Variants in BTBD9 observed in about 807,000 individuals in gnomAD.
BTBD9 encodes BTB domain containing 9.
In BTBD9, 49 loss-of-function variants were observed where a neutral mutation model predicts 64.3. The ratio of observed to expected loss-of-function variants is 0.76; its 90% CI spans 0.61 to 0.97. The LOEUF (loss-of-function observed/expected upper bound fraction) is 0.97. BTBD9 is among the 50% of genes least tolerant of loss of function. The probability of loss-of-function intolerance (pLI) is 0.00; values close to 1 mark genes in which losing one functional copy is unlikely to be tolerated. For missense variants in BTBD9, 598 were observed against 762.1 expected (o/e 0.78, Z 2.53); for synonymous variants, 260 against 274.7 (o/e 0.95, Z 0.53).
chr6:38,198,988 G>A (rs9462410), intron 9 of BTBD9, among the ~76,000 whole-genome samples: 11,311 of 152,158 alleles, frequency 0.074, 662 homozygotes, highest in African/African-American at 0.16. Context: ...ACCTTTGAAG[G>A]TGGAGGTGTG....
intron 6 of BTBD9, among the ~76,000 whole-genome samples, chr6:38,425,690 T>C (rs551749431): frequency 6.0e-5 from 9 of 151,080 alleles, no homozygotes; most frequent in Non-Finnish European, 8.8e-5. Flanking sequence ...TCCTCCTCAC[T>C]TGAGCACAGG....
intron 10 of BTBD9, among the ~76,000 whole-genome samples, chr6:38,176,057 C>T (rs571426030): frequency 1.3e-5 from 2 of 152,370 alleles, no homozygotes; most frequent in African/African-American, 2.4e-5. Context: ...CAGCACCGAG[C>T]TCAGCGCCCC....
intron 4 of BTBD9, among the ~76,000 whole-genome samples, chr6:38,586,584 C>T: frequency 6.6e-6 from 1 of 152,184 alleles, no homozygotes; most frequent in East Asian, 1.9e-4. Context: ...TCCCCAAAGA[C>T]ACAGAATCTA....
chr6:38,324,080 G>T (rs1193636345), intron 7 of BTBD9, among the ~76,000 whole-genome samples: 3 of 152,194 alleles, frequency 2.0e-5, no homozygotes, highest in African/African-American at 7.2e-5. Context: ...TCCAGCCCAG[G>T]TGACAGCCTG....
intron 7 of BTBD9, among the ~76,000 whole-genome samples, chr6:38,305,777 C>T (rs1369692323): frequency 1.3e-5 from 2 of 152,170 alleles, no homozygotes; most frequent in Non-Finnish European, 2.9e-5. Flanking sequence ...AGCCACCATG[C>T]CTGACCCTTA....
At chr6:38,276,344 G>A (rs1287059344) in intron 8 of BTBD9, among the ~76,000 whole-genome samples, 1 of 135,842 alleles carries the variant, frequency 7.4e-6, no homozygotes, top group East Asian at 2.6e-4. Flanking sequence ...TCCGGGGACT[G>A]TTGTGGGGTG....
At chr6:38,378,350 T>G (rs1765779524) in intron 6 of BTBD9, among the ~76,000 whole-genome samples, 1 of 150,474 alleles carries the variant, frequency 6.6e-6, no homozygotes, top group African/African-American at 2.4e-5. Flanking sequence ...TTTAAACAAC[T>G]CTCCTGCCTC....
intron 7 of BTBD9, among the ~76,000 whole-genome samples, chr6:38,332,357 T>A (rs1157729049): frequency 1.3e-5 from 2 of 152,196 alleles, no homozygotes; most frequent in African/African-American, 4.8e-5. Flanking sequence ...AGGAAAAAAT[T>A]TCATGTAACT....
chr6:38,624,255 A>G (rs545049593), intron 1 of BTBD9, among the ~76,000 whole-genome samples: 5 of 152,348 alleles, frequency 3.3e-5, no homozygotes, highest in Middle Eastern at 3.4e-3. Context: ...ATGGGAAGGG[A>G]CAATAAGCGA....
intron 1 of BTBD9, among the ~76,000 whole-genome samples, chr6:38,617,846 C>A (rs1330434483): frequency 6.6e-6 from 1 of 152,106 alleles, no homozygotes; most frequent in Non-Finnish European, 1.5e-5. Context: ...ACACTTAGGA[C>A]TCTAACTAAC....
chr6:38,455,789 A>T, intron 6 of BTBD9, among the ~76,000 whole-genome samples: 1 of 151,650 alleles, frequency 6.6e-6, no homozygotes, highest in African/African-American at 2.4e-5. Context: ...GCTCACCGCA[A>T]CCTCCACCTC....
At chr6:38,359,990 A>C (rs1456359682) in intron 6 of BTBD9, among the ~76,000 whole-genome samples, 1 of 152,228 alleles carries the variant, frequency 6.6e-6, no homozygotes, top group South Asian at 2.1e-4. Flanking sequence ...TATCTTTTTA[A>C]AAAGTCATTT....
chr6:38,512,734 T>TA (rs1397521818), intron 6 of BTBD9, among the ~76,000 whole-genome samples: 1 of 152,218 alleles, frequency 6.6e-6, no homozygotes, highest in Non-Finnish European at 1.5e-5. Context: ...AGTGAGTTTT[T>TA]AACTCTGAAG....
chr6:38,272,100 A>G (rs1344170447), intron 8 of BTBD9, among the ~76,000 whole-genome samples: 1 of 152,204 alleles, frequency 6.6e-6, no homozygotes, highest in Non-Finnish European at 1.5e-5. Flanking sequence ...AACTGATAGG[A>G]TAGTCATTGA....
chr6:38,548,009 A>C (rs1774628642), intron 6 of BTBD9, among the ~76,000 whole-genome samples: 1 of 152,294 alleles, frequency 6.6e-6, no homozygotes, highest in East Asian at 1.9e-4. Flanking sequence ...AAAAAGAAAA[A>C]CATTCCCACC....
intron 6 of BTBD9, among the ~76,000 whole-genome samples, chr6:38,519,988 A>G (rs988905611): frequency 6.6e-6 from 1 of 152,246 alleles, no homozygotes; most frequent in East Asian, 1.9e-4. Context: ...TCAGTAAAAG[A>G]AAAATAGTGA....
In BTBD9 at chr6:38,191,361, G is replaced by C. The variant is rs116764555; in HGVS notation, c.1641+1158C>G. 5.6e-3 allele frequency among the ~76,000 whole-genome samples: 848 copies of C among 152,320 alleles called. 9 individuals are homozygous for C. The highest frequency in any genetic ancestry group is 0.017 in the African/African-American group (707 of 41,566). Reference sequence around the variant, plus strand: ...TTTTAATTCCATAAAGACAATGCATGAATCCCAAGCACAGGGCCCATTTGC... The same window carrying C: ...TTTTAATTCCATAAAGACAATGCATCAATCCCAAGCACAGGGCCCATTTGC... On this transcript the variant is annotated intron_variant, in intron 10 of 10. Coordinates refer to ENST00000481247, the MANE Select transcript of BTBD9 (RefSeq NM_001099272.2).
intron 6 of BTBD9, among the ~76,000 whole-genome samples, chr6:38,384,357 T>C (rs983784485): frequency 6.6e-6 from 1 of 152,224 alleles, no homozygotes; most frequent in Non-Finnish European, 1.5e-5. Context: ...AGGTTTTACC[T>C]GATGAAGAAT....
chr6:38,619,550 G>C (rs1258832461), intron 1 of BTBD9, among the ~76,000 whole-genome samples: 1 of 152,200 alleles, frequency 6.6e-6, no homozygotes, highest in African/African-American at 2.4e-5. Flanking sequence ...CTGCCCCAGA[G>C]GACAAAGGTT....
Sources: allele counts gnomAD v4.1 joint callset (sites outside exome capture counted in the v4.1 genomes callset), GRCh38; gene constraint gnomAD v4.1.1; transcripts MANE v1.5; gene names NCBI Gene and HGNC (gene_info 2026-07-23, HGNC 2026-07-21).